TMPRSS15: variants seen among roughly 807,000 people sequenced by gnomAD.
TMPRSS15 encodes the protein enteropeptidase.
Under a neutral mutation model 125.3 loss-of-function variants are expected in TMPRSS15, and 128 were observed. The ratio of observed to expected loss-of-function variants is 1.02; its 90% CI spans 0.89 to 1.18. TMPRSS15 has a LOEUF of 1.18. Among genes scored for constraint, TMPRSS15 ranks in the 50% most tolerant of loss-of-function variants. TMPRSS15 has a pLI of 0.00. For missense variants in TMPRSS15, 1,283 were observed against 1,212.7 expected (o/e 1.06, Z -0.86); for synonymous variants, 446 against 423.2 (o/e 1.05, Z -0.66).
At chr21:18,383,890 C>T in intron 3 of TMPRSS15, 112 bp from the exon 4 acceptor site, 2 of 1,250,158 alleles carry the variant, frequency 1.6e-6, no homozygotes, top group Non-Finnish European at 1.1e-6. Context: ...CTTGCTAATT[C>T]TCATTATACC....
chr21:18,349,333 C>A (rs2075540508), intron 10 of TMPRSS15, among the ~76,000 whole-genome samples: 1 of 152,118 alleles, frequency 6.6e-6, no homozygotes, highest in Admixed American at 6.6e-5. Context: ...ACAGAGAAAC[C>A]CTGACTGCTG....
At chr21:18,309,866 T>C (rs2075079778) in intron 18 of TMPRSS15, among the ~76,000 whole-genome samples, 1 of 152,190 alleles carries the variant, frequency 6.6e-6, no homozygotes, top group Admixed American at 6.5e-5. Context: ...TGATTATTTA[T>C]ATAATGAATA....
intron 1 of TMPRSS15, among the ~76,000 whole-genome samples, chr21:18,432,149 TG>T (rs1601460603): frequency 6.6e-6 from 1 of 152,134 alleles, no homozygotes; most frequent in Non-Finnish European, 1.5e-5. Context: ...CTCTTACACT[TG>T]GGTTTCTGGA....
chr21:18,395,029 T>G (rs2076022162), intron 3 of TMPRSS15, among the ~76,000 whole-genome samples: 1 of 152,236 alleles, frequency 6.6e-6, no homozygotes, highest in South Asian at 2.1e-4. Flanking sequence ...ATCCCATCAG[T>G]TTTCCCATAA....
intron 1 of TMPRSS15, among the ~76,000 whole-genome samples, chr21:18,473,249 A>C (rs1037182158): frequency 6.6e-6 from 1 of 152,112 alleles, no homozygotes; most frequent in African/African-American, 2.4e-5. Flanking sequence ...TCATTGGCCA[A>C]AGGGAAAAAT....
chr21:18,309,336 C>T (rs1449246814), intron 18 of TMPRSS15, among the ~76,000 whole-genome samples: 1 of 152,158 alleles, frequency 6.6e-6, no homozygotes, highest in East Asian at 1.9e-4. Flanking sequence ...TCATTCAGGA[C>T]ATAGGCATGG....
At chr21:18,335,356 C>T (rs2075381781) in intron 13 of TMPRSS15, among the ~76,000 whole-genome samples, 1 of 152,020 alleles carries the variant, frequency 6.6e-6, no homozygotes, top group South Asian at 2.1e-4. Flanking sequence ...AATGTAAAAC[C>T]TTATATTCCT....
chr21:18,273,031 C>G (rs2074578594), intron 24 of TMPRSS15, among the ~76,000 whole-genome samples: 1 of 152,128 alleles, frequency 6.6e-6, no homozygotes, highest in Non-Finnish European at 1.5e-5. Flanking sequence ...GTGATGAGCC[C>G]TGATAATTTG....
chr21:18,463,537 G>T (rs1031687868), intron 1 of TMPRSS15, among the ~76,000 whole-genome samples: 4 of 151,736 alleles, frequency 2.6e-5, no homozygotes, highest in South Asian at 2.1e-4. Context: ...CTATTAGAGA[G>T]ATCGAGACAG....
In TMPRSS15 at chr21:18,418,869, G is replaced by A. The variant is rs549085614; in HGVS notation, c.11-20540C>T. 1.1e-4 allele frequency among the ~76,000 whole-genome samples: 17 copies of A among 152,250 alleles called. No homozygotes were observed. The South Asian group carries it at 3.1e-3, about 28-fold the overall frequency. On this transcript the variant is annotated intron_variant, in intron 1 of 7. Transcript: ENST00000422787. ...CATGGTAGATCAATGCAAAAACAACGGAGTTCATACTATTTGCAATTATGG... is the reference window on the plus strand; with the variant it reads ...CATGGTAGATCAATGCAAAAACAACAGAGTTCATACTATTTGCAATTATGG...
intron 1 of TMPRSS15, among the ~76,000 whole-genome samples, chr21:18,471,304 T>G (rs1978775588): frequency 6.6e-6 from 1 of 152,146 alleles, no homozygotes; most frequent in South Asian, 2.1e-4. Context: ...GTTGCTATAG[T>G]GTTAGATGCA....
In TMPRSS15 at chr21:18,396,847, T is replaced by TATC. The variant is rs1555909762; in HGVS notation, c.344+1029_344+1031dup. On this transcript the variant is annotated intron_variant, in intron 3 of 24. Coordinates refer to ENST00000284885, the MANE Select transcript of TMPRSS15 (RefSeq NM_002772.3). ...CTATCTATCTATCTATCTATCTATC[T>TATC]ATCTTAAGTCACAAAAGGCTTGGCC... 8.5e-3 allele frequency among the ~76,000 whole-genome samples: 1,180 copies of TATC among 139,414 alleles called. 17 individuals carry two copies. Among genetic ancestry groups the TATC allele is most frequent in the African/African-American group, 0.022 (836 of 38,696 alleles). The allele number at this position is 139,414 out of a possible 152,430, so 91.5% of individuals were successfully genotyped here.
chr21:18,422,323 A>G (rs1042346810), intron 1 of TMPRSS15, among the ~76,000 whole-genome samples: 5 of 152,028 alleles, frequency 3.3e-5, no homozygotes, highest in African/African-American at 1.2e-4. Context: ...AAATAAATGG[A>G]AGGTGAAACC....
In TMPRSS15 at chr21:18,372,327, T is replaced by C; in HGVS notation, c.533-3A>G. ...CAGGCACTCTATTGAGACATTTCCTTTAAAAAATAACTGAAATTAATTTCC... is the reference window on the plus strand; with the variant it reads ...CAGGCACTCTATTGAGACATTTCCTCTAAAAAATAACTGAAATTAATTTCC... On this transcript the variant is annotated splice_polypyrimidine_tract_variant and splice_region_variant and intron_variant, in intron 5 of 24. Transcript: ENST00000284885. 1 of 1,612,174 alleles carries C rather than the reference T, an allele frequency of 6.2e-7. No individual in the cohort carries two copies. Among genetic ancestry groups the C allele is most frequent in the Non-Finnish European group, 8.5e-7 (1 of 1,178,658 alleles).
chr21:18,395,571 A>G (rs2076027354), intron 3 of TMPRSS15, among the ~76,000 whole-genome samples: 1 of 152,230 alleles, frequency 6.6e-6, no homozygotes, highest in Admixed American at 6.5e-5. Flanking sequence ...CAGGAACACC[A>G]TCAGTCCATA....
At position 18,343,479 on chromosome 21, in the gene TMPRSS15, A is replaced by ACC. The variant is rs2075470549; in HGVS notation, c.1428+26_1428+27insGG. 1.9e-6 allele frequency: 3 copies of ACC among 1,551,832 alleles called. No individual in the cohort carries two copies. The African/African-American group carries it at 4.1e-5, about 21-fold the overall frequency. On this transcript the variant is annotated intron_variant, in intron 12 of 24. Transcript: ENST00000284885. ...TTGTTCCACCACAAAAAGGATACAA[A>ACC]TATAAATAATAAAGTATTTTGCAAA...
chr21:18,297,864 A>G (rs1283752491), intron 18 of TMPRSS15, 35 bp from the exon 19 acceptor site: 1 of 1,494,208 alleles, frequency 6.7e-7, no homozygotes, highest in African/African-American at 1.4e-5. Flanking sequence ...CAGACAAAAC[A>G]AAAGCATAAA....
At position 18,413,363 on chromosome 21, in the gene TMPRSS15, T is replaced by TTCCTTCCTTC. The variant is rs1569064084; in HGVS notation, c.11-15035_11-15034insGAAGGAAGGA. Reference sequence around the variant, plus strand: ...TCCTTCCTTCCTTCCTTCCTTCCTTTCCTTCCTTCCTTCCTTTCTTTCTAT... The same window carrying TTCCTTCCTTC: ...TCCTTCCTTCCTTCCTTCCTTCCTTTTCCTTCCTTCCCTTCCTTCCTTCCTTTCTTTCTAT... On this transcript the variant is annotated intron_variant, in intron 1 of 7. Transcript: ENST00000422787. 1.0e-3 allele frequency among the ~76,000 whole-genome samples: 119 copies of TTCCTTCCTTC among 117,236 alleles called. 1 individual carries two copies. The highest frequency in any genetic ancestry group is 3.7e-3 in the African/African-American group (119 of 32,152). The allele number at this position is 117,236 out of a possible 152,430, so 76.9% of individuals were successfully genotyped here.
chr21:18,476,678 G>T (rs1383538524), intron 1 of TMPRSS15, among the ~76,000 whole-genome samples: 2 of 152,086 alleles, frequency 1.3e-5, no homozygotes, highest in African/African-American at 4.8e-5. Flanking sequence ...TCACAGCCCC[G>T]TGCTGTGGGT....
Sources: gnomAD v4.1 joint callset for allele counts (sites outside exome capture counted in the v4.1 genomes callset) on GRCh38, gnomAD v4.1.1 for gene constraint, MANE v1.5 for transcripts, NCBI Gene and HGNC (gene_info 2026-07-23, HGNC 2026-07-21) for gene names.